The following CEP63 variants were observed in gnomAD, a reference collection of about 807,000 sequenced individuals.
CEP63 encodes the protein centrosomal protein of 63 kDa.
CEP63 carries 84 observed loss-of-function variants against 89.1 expected under a neutral mutation model. The observed-to-expected ratio is 0.94, with a 90% CI of 0.79 to 1.13. The LOEUF is 1.13. CEP63 is among the 50% of genes most tolerant of loss of function. CEP63 has a pLI of 0.00. For missense variants in CEP63, 838 were observed against 813.3 expected (o/e 1.03, Z -0.37); for synonymous variants, 267 against 272.5 (o/e 0.98, Z 0.20).
chr3:134,540,278 G>A (rs1411027760), intron 6 of CEP63, among the ~76,000 whole-genome samples: 1 of 152,146 alleles, frequency 6.6e-6, no homozygotes, highest in East Asian at 1.9e-4. Context: ...TAATGATTGT[G>A]TAGAATTCCC....
intron 6 of CEP63, among the ~76,000 whole-genome samples, chr3:134,538,203 T>C (rs950167569): frequency 6.7e-6 from 1 of 150,326 alleles, no homozygotes; most frequent in African/African-American, 2.4e-5. Context: ...GGAGGGTTTT[T>C]TTTTTTTTTT....
At chr3:134,537,132 A>T in intron 5 of CEP63, 23 bp from the exon 6 acceptor site, 1 of 1,442,776 alleles carries the variant, frequency 6.9e-7, no homozygotes, top group Non-Finnish European at 9.8e-7. Context: ...CTCAGAAATT[A>T]AGTACTCTAA....
At chr3:134,676,851 A>T in the CEP63 span, among the ~76,000 whole-genome samples, 2 of 152,298 alleles carry the variant, frequency 1.3e-5, no homozygotes, top group East Asian at 3.9e-4. Context: ...CCTGGCAGAC[A>T]TGTCCTGTGC....
At position 134,558,214 on chromosome 3, in the gene CEP63, C is replaced by A; in HGVS notation, c.1540C>A (p.Gln514Lys). The change falls in exon 13 of 15, where the codon CAA (glutamine) becomes AAA (lysine). Residue 514 changes from glutamine (Q) to lysine (K), a missense_variant. Physicochemically the swap from Gln to Lys is moderately conservative, Grantham distance 53. Transcript: ENST00000675561. ...ATTAAATAAATTAGTGTCTGAAAAT[C>A]AACAACTACAGAAAGATTTGATGAA... ...EALNKLVSEN[Q>K]QLQKDLMNTK... is the part of the protein sequence containing the mutation. The A allele has an allele frequency of 6.2e-7, 1 of 1,613,620 alleles. No individual in the cohort carries two copies. Among genetic ancestry groups the A allele is most frequent in the Non-Finnish European group, 8.5e-7 (1 of 1,179,694 alleles).
At chr3:134,660,649 C>T in the CEP63 span, among the ~76,000 whole-genome samples, 1 of 152,150 alleles carries the variant, frequency 6.6e-6, no homozygotes, top group African/African-American at 2.4e-5. Context: ...GAGGATGATA[C>T]AATTCCTGCT....
At chr3:134,655,254 G>C in the CEP63 span, among the ~76,000 whole-genome samples, 1 of 152,228 alleles carries the variant, frequency 6.6e-6, no homozygotes. Flanking sequence ...GAAGGAACCA[G>C]AGCCATCTCT....
the CEP63 span, among the ~76,000 whole-genome samples, chr3:134,594,737 A>T: frequency 6.6e-6 from 1 of 152,256 alleles, no homozygotes; most frequent in Non-Finnish European, 1.5e-5. Context: ...AACAACCCAG[A>T]GATCTATCAT....
chr3:134,604,836 C>G, the CEP63 span, among the ~76,000 whole-genome samples: 1 of 152,184 alleles, frequency 6.6e-6, no homozygotes, highest in African/African-American at 2.4e-5. Flanking sequence ...GGTCATGGGT[C>G]AGGAGGGGCA....
At chr3:134,583,213 G>A (rs1958403728) in intron 10 of CEP63, among the ~76,000 whole-genome samples, 1 of 152,126 alleles carries the variant, frequency 6.6e-6, no homozygotes, top group South Asian at 2.1e-4. Context: ...TTTGGCTTTT[G>A]TTGCCATTGT....
the CEP63 span, chr3:134,627,924 A>C: frequency 3.6e-6 from 3 of 832,268 alleles, no homozygotes; most frequent in East Asian, 2.6e-5. Flanking sequence ...CCTCCTCTTT[A>C]CTCTCCTTTT....
the CEP63 span, among the ~76,000 whole-genome samples, chr3:134,694,833 G>A: frequency 6.6e-6 from 1 of 152,202 alleles, no homozygotes; most frequent in Non-Finnish European, 1.5e-5. Context: ...AGGCAAATTA[G>A]CACTTCACAA....
At chr3:134,752,211 C>A in the CEP63 span, among the ~76,000 whole-genome samples, 4 of 152,310 alleles carry the variant, frequency 2.6e-5, no homozygotes, top group East Asian at 7.7e-4. Context: ...CAAGAGGGAA[C>A]CAGAGAGAAC....
chr3:134,580,361 G>C (rs1958316407), intron 10 of CEP63, among the ~76,000 whole-genome samples: 1 of 150,546 alleles, frequency 6.6e-6, no homozygotes, highest in East Asian at 1.9e-4. Flanking sequence ...AAACTGGATT[G>C]TGGTGATGGC....
the CEP63 span, among the ~76,000 whole-genome samples, chr3:134,627,369 G>A: frequency 6.6e-6 from 1 of 152,196 alleles, no homozygotes; most frequent in African/African-American, 2.4e-5. Context: ...AACCCAGGCT[G>A]TCTATCATCC....
chr3:134,730,329 A>G, the CEP63 span, among the ~76,000 whole-genome samples: 1,577 of 152,306 alleles, frequency 0.01, 26 homozygotes, highest in African/African-American at 0.036. Context: ...TAGGCGAGGC[A>G]GGTTGGGGAT....
Position 134,500,031 on chromosome 3 carries a change from G to T in CEP63, c.44+4667G>T, listed in dbSNP as rs149795524. 5.6e-3 allele frequency among the ~76,000 whole-genome samples: 852 copies of T among 151,972 alleles called. 10 individuals are homozygous for T. The highest frequency in any genetic ancestry group is 0.02 in the African/African-American group (810 of 41,446). On this transcript the variant is annotated intron_variant, in intron 2 of 14. Transcript: ENST00000675561. Reference sequence around the variant, plus strand: ...GGTAGAGATGGGATTTCGCCATGTTGGCCAGGCTGGTCTCGAACTCCTGAT... The same window carrying T: ...GGTAGAGATGGGATTTCGCCATGTTTGCCAGGCTGGTCTCGAACTCCTGAT...
intron 3 of CEP63, among the ~76,000 whole-genome samples, chr3:134,513,939 T>C (rs1411268726): frequency 1.3e-5 from 2 of 152,170 alleles, no homozygotes; most frequent in Non-Finnish European, 2.9e-5. Context: ...TCAAATAATT[T>C]TGCAAATAAT....
chr3:134,647,551 T>A, the CEP63 span: 1 of 1,120,836 alleles, frequency 8.9e-7, no homozygotes, highest in Non-Finnish European at 1.3e-6. Context: ...AAGAGTGATG[T>A]ACCAGTTGCA....
chr3:134,579,060 A>C (rs1958286029), downstream of CEP63, among the ~76,000 whole-genome samples: 1 of 152,220 alleles, frequency 6.6e-6, no homozygotes, highest in Admixed American at 6.5e-5. Flanking sequence ...CCTGGCCCCC[A>C]CACCATTTCT....
Sources: gnomAD v4.1 joint callset for allele counts (sites outside exome capture counted in the v4.1 genomes callset) on GRCh38, gnomAD v4.1.1 for gene constraint, MANE v1.5 for transcripts, NCBI Gene and HGNC (gene_info 2026-07-23, HGNC 2026-07-21) for gene names.